The following FIGN variants were observed in gnomAD, a reference collection of about 807,000 sequenced individuals.
FIGN encodes fidgetin, microtubule severing factor.
In FIGN, 11 loss-of-function variants were observed where a neutral mutation model predicts 51.3. The ratio of observed to expected loss-of-function variants is 0.21; its 90% confidence interval spans 0.13 to 0.35. The LOEUF is 0.35. Ranked by LOEUF, FIGN falls within the 10% of genes least tolerant of loss-of-function variation. The probability of loss-of-function intolerance (pLI) is 1.00; values close to 1 mark genes in which losing one functional copy is unlikely to be tolerated. For synonymous variants in FIGN, 407 were observed against 363.2 expected, an observed-to-expected ratio of 1.12 and a Z score of -1.37; for missense variants, 857 against 943.6, an observed-to-expected ratio of 0.91 and a Z score of 1.20.
intron 2 of FIGN, among the ~76,000 whole-genome samples, chr2:163,631,800 C>T (rs1281014319): frequency 6.6e-6 from 1 of 152,164 alleles, no homozygotes; most frequent in Admixed American, 6.5e-5. Context: ...AGAATATCCA[C>T]AAAAACTTGG....
intron 2 of FIGN, among the ~76,000 whole-genome samples, chr2:163,725,053 T>G (rs1390941150): frequency 6.6e-6 from 1 of 152,124 alleles, no homozygotes; most frequent in Non-Finnish European, 1.5e-5. Context: ...TTCTCGAACT[T>G]GTGCCTCCTT....
chr2:163,732,004 A>T (rs1684937962), intron 2 of FIGN, among the ~76,000 whole-genome samples: 1 of 152,208 alleles, frequency 6.6e-6, no homozygotes, highest in African/African-American at 2.4e-5. Context: ...TAAGACAAGT[A>T]TCCAAAAACT....
At chr2:163,735,163 C>T (rs1214342781) in intron 1 of FIGN, 91 bp from the exon 2 acceptor site, 1 of 518,032 alleles carries the variant, frequency 1.9e-6, no homozygotes, top group Non-Finnish European at 3.4e-6. Context: ...AAGCACATGA[C>T]CAGGAATGCA....
intron 2 of FIGN, among the ~76,000 whole-genome samples, chr2:163,712,656 T>C (rs1423424989): frequency 6.6e-6 from 1 of 152,198 alleles, no homozygotes; most frequent in Non-Finnish European, 1.5e-5. Context: ...GAGGTTTTTT[T>C]TAAGGCAAAA....
chr2:163,670,058 A>C (rs1317730535), intron 2 of FIGN, among the ~76,000 whole-genome samples: 1 of 152,232 alleles, frequency 6.6e-6, no homozygotes, highest in African/African-American at 2.4e-5. Context: ...TTTTTATTAT[A>C]TAGAAAAAGA....
chr2:163,704,914 C>T (rs891251717), intron 2 of FIGN, among the ~76,000 whole-genome samples: 4 of 152,002 alleles, frequency 2.6e-5, no homozygotes, highest in Non-Finnish European at 4.4e-5. Flanking sequence ...ACATTATATG[C>T]AACTAATGTA....
intron 2 of FIGN, among the ~76,000 whole-genome samples, chr2:163,646,615 T>C (rs1328580795): frequency 2.0e-5 from 3 of 152,226 alleles, no homozygotes; most frequent in Non-Finnish European, 2.9e-5. Flanking sequence ...ATAAACTTTA[T>C]CATTGTTCTT....
chr2:163,636,464 T>C (rs1683227011), intron 2 of FIGN, among the ~76,000 whole-genome samples: 1 of 152,106 alleles, frequency 6.6e-6, no homozygotes, highest in Non-Finnish European at 1.5e-5. Flanking sequence ...CTTGTATTTT[T>C]AGTAGAGACG....
chr2:163,657,130 AC>A (rs902160376), intron 2 of FIGN, among the ~76,000 whole-genome samples: 12 of 151,744 alleles, frequency 7.9e-5, no homozygotes, highest in African/African-American at 2.9e-4. Flanking sequence ...AAAAAAAAAA[AC>A]AGAAATGGTT....
chr2:163,659,981 AAT>A (rs1277071998), intron 2 of FIGN, among the ~76,000 whole-genome samples: 9 of 152,276 alleles, frequency 5.9e-5, no homozygotes, highest in Admixed American at 2.0e-4. Context: ...ACAAGCCTGT[AAT>A]CCCAGTACCT....
intron 2 of FIGN, among the ~76,000 whole-genome samples, chr2:163,657,496 G>T (rs1240094728): frequency 8.7e-6 from 1 of 114,734 alleles, no homozygotes; most frequent in Non-Finnish European, 1.8e-5. Flanking sequence ...ATGTCAGAGG[G>T]AGTCTGTGTG....
chr2:163,718,956 T>C (rs16848836), intron 2 of FIGN, among the ~76,000 whole-genome samples: 3,828 of 152,270 alleles, frequency 0.025, 164 homozygotes, highest in African/African-American at 0.087. Flanking sequence ...TCTATTTCAT[T>C]ATAGGTCTAC....
rs552806116 is a variant in FIGN, at chr2:163,604,849, G to C, written c.*4703C>G. On this transcript the variant is annotated 3_prime_UTR_variant, in exon 3 of 3. Coordinates refer to ENST00000333129, the MANE Select transcript of FIGN (RefSeq NM_018086.4). ...GAAGAGAGAGGAAGAGGAGAGGAGAGGGATGGAGAGAAGAATGGTTGGGGA... is the reference window on the plus strand; with the variant it reads ...GAAGAGAGAGGAAGAGGAGAGGAGACGGATGGAGAGAAGAATGGTTGGGGA... The C allele has an allele frequency of 6.7e-6, 1 of 150,250 alleles. No individual in the cohort carries two copies. The highest frequency in any genetic ancestry group is 1.5e-5 in the Non-Finnish European group (1 of 67,514). The allele number at this position is 150,250 out of a possible 1,614,324, so 9.3% of individuals were successfully genotyped here.
chr2:163,627,164 C>T (rs1347518518), intron 2 of FIGN, among the ~76,000 whole-genome samples: 1 of 152,100 alleles, frequency 6.6e-6, no homozygotes, highest in Admixed American at 6.6e-5. Flanking sequence ...AATAAACTTG[C>T]TTCCACTTTA....
intron 2 of FIGN, among the ~76,000 whole-genome samples, chr2:163,721,721 T>C (rs1185567010): frequency 1.3e-5 from 2 of 152,314 alleles, no homozygotes; most frequent in East Asian, 3.9e-4. Flanking sequence ...TATGAAGTGG[T>C]AAGATAGCAT....
At chr2:163,684,029 G>A (rs937995166) in intron 2 of FIGN, among the ~76,000 whole-genome samples, 2 of 151,988 alleles carry the variant, frequency 1.3e-5, no homozygotes, top group Non-Finnish European at 2.9e-5. Flanking sequence ...TTCCAATGTT[G>A]AAAATCAATG....
At chr2:163,644,073 G>A (rs1385813231) in intron 2 of FIGN, among the ~76,000 whole-genome samples, 1 of 151,348 alleles carries the variant, frequency 6.6e-6, no homozygotes, top group Non-Finnish European at 1.5e-5. Flanking sequence ...AAAAGCATGA[G>A]CACCAAAAGA....
At chr2:163,634,413 T>C (rs115307327) in intron 2 of FIGN, among the ~76,000 whole-genome samples, 81 of 152,260 alleles carry the variant, frequency 5.3e-4, no homozygotes, top group African/African-American at 1.9e-3. Flanking sequence ...ATACTTTATA[T>C]CTTTGTATAT....
chr2:163,622,588 G>T (rs1376046022), intron 2 of FIGN, among the ~76,000 whole-genome samples: 1 of 151,816 alleles, frequency 6.6e-6, no homozygotes, highest in East Asian at 1.9e-4. Context: ...TTGAGACAGG[G>T]TCTCACTCTG....
Sources: allele counts gnomAD v4.1 joint callset (sites outside exome capture counted in the v4.1 genomes callset), GRCh38; gene constraint gnomAD v4.1.1; transcripts MANE v1.5; gene names NCBI Gene and HGNC (gene_info 2026-07-23, HGNC 2026-07-21).